Variants in PRKX observed in about 807,000 individuals in gnomAD.
PRKX encodes protein kinase cAMP-dependent X-linked catalytic subunit.
In PRKX, 12 loss-of-function variants were observed where a neutral mutation model predicts 22.0. That is an observed-to-expected ratio of 0.54 (90% CI 0.35 to 0.88). PRKX has a LOEUF of 0.88. PRKX is among the 40% of genes least tolerant of loss of function. The pLI is 0.01. For synonymous variants in PRKX, 134 were observed against 137.7 expected, an observed-to-expected ratio of 0.97 and a Z score of 0.19; for missense variants, 217 against 308.0, an observed-to-expected ratio of 0.70 and a Z score of 2.21.
At chrX:3,619,333 C>A (rs1206275564) in intron 6 of PRKX, among the ~76,000 whole-genome samples, 3 of 110,676 alleles carry the variant, frequency 2.7e-5, no homozygotes, top group Non-Finnish European at 5.7e-5. Flanking sequence ...AAGGATCCCC[C>A]ACTAGAGCCT....
At position 3,713,092 on chromosome X, in the gene PRKX, G is replaced by A. The variant is rs1193599489; in HGVS notation, c.162C>T (p.Thr54=). The A allele has an allele frequency of 8.6e-7, 1 of 1,165,356 alleles. No homozygotes were observed. The highest frequency in any genetic ancestry group is 3.4e-5 in the East Asian group (1 of 29,532). The change falls in exon 1 of 9, where the codon ACC becomes ACT. Residue 54 remains threonine, a synonymous_variant. Transcript: ENST00000262848. Reference sequence around the variant, plus strand: ...TCCCCGCCCGCACTCACTCACCCACGGTGGCCAGCGTGTCAAAGTCCTGCA... The same window carrying A: ...TCCCCGCCCGCACTCACTCACCCACAGTGGCCAGCGTGTCAAAGTCCTGCA... The part of the protein sequence containing the change: ...YSLQDFDTLA[T]VGTGTFGRVH...
intron 5 of PRKX, 60 bp downstream of exon 5, chrX:3,626,359 G>A (rs969440728): frequency 1.8e-5 from 17 of 940,118 alleles, no homozygotes; most frequent in African/African-American, 9.7e-5. Flanking sequence ...GTGCTTTCAC[G>A]GTGATTTTAG....
intron 4 of PRKX, among the ~76,000 whole-genome samples, chrX:3,636,244 C>T (rs763605312): frequency 1.1e-4 from 12 of 111,963 alleles, no homozygotes; most frequent in Admixed American, 3.8e-4. Flanking sequence ...AATGGAGCTG[C>T]GATAGGAAAG....
intron 1 of PRKX, among the ~76,000 whole-genome samples, chrX:3,677,327 CTTTTTT>C (rs532175668): frequency 2.2e-5 from 2 of 90,679 alleles, no homozygotes; most frequent in Non-Finnish European, 2.2e-5. Context: ...ATTGTTTTGT[CTTTTTT>C]TTTTTTTTTT....
At position 3,604,705 on chromosome X, in the gene PRKX, T is replaced by C. The variant is rs1195083779; in HGVS notation, c.*4264A>G. The stretch of plus-strand genomic sequence containing the variant: ...CCAGTGTTCAGCGCAAAGAAAGAAT[T>C]CAGCTACGACAGTTGAGCAGAGCTC... On this transcript the variant is annotated 3_prime_UTR_variant, in exon 9 of 9. Coordinates refer to ENST00000262848, the MANE Select transcript of PRKX (RefSeq NM_005044.5). 2.7e-5 allele frequency: 3 copies of C among 111,908 alleles called. No individual in the cohort carries two copies. The highest frequency in any genetic ancestry group is 5.7e-4 in the East Asian group (2 of 3,531). The allele number at this position is 111,908 out of a possible 1,213,427, so 9.2% of individuals were successfully genotyped here.
At chrX:3,712,248 C>G (rs1928805792) in intron 1 of PRKX, among the ~76,000 whole-genome samples, 1 of 111,302 alleles carries the variant, frequency 9.0e-6, no homozygotes, top group Non-Finnish European at 1.9e-5. Flanking sequence ...CAGCCAACAC[C>G]CCACTTAGCC....
chrX:3,662,834 C>T (rs1222630052), intron 2 of PRKX, among the ~76,000 whole-genome samples: 8 of 107,168 alleles, frequency 7.5e-5, no homozygotes, highest in African/African-American at 1.0e-4. Context: ...TAGCAAGACC[C>T]CCAAAATTTA....
chrX:3,650,520 C>A (rs866079289), intron 3 of PRKX, among the ~76,000 whole-genome samples: 36 of 37,825 alleles, frequency 9.5e-4, no homozygotes, highest in East Asian at 1.2e-3. Context: ...GACTCCTCTC[C>A]AAAAAAAAAA....
intron 1 of PRKX, among the ~76,000 whole-genome samples, chrX:3,704,660 CA>C (rs777407072): frequency 3.9e-5 from 4 of 103,639 alleles, no homozygotes; most frequent in Admixed American, 1.0e-4. Flanking sequence ...AGACCCTGTC[CA>C]AAAAAAAAAG....
At chrX:3,654,736 C>A (rs745775072) in intron 3 of PRKX, among the ~76,000 whole-genome samples, 1 of 109,797 alleles carries the variant, frequency 9.1e-6, no homozygotes, top group East Asian at 2.8e-4. Flanking sequence ...CCCACCTCGG[C>A]GTCCCAAAGT....
chrX:3,699,212 A>AT (rs1408543300), intron 1 of PRKX, among the ~76,000 whole-genome samples: 23 of 106,062 alleles, frequency 2.2e-4, no homozygotes, highest in African/African-American at 7.9e-4. Context: ...AATTTTTTGC[A>AT]TTTTAGGAGA....
intron 1 of PRKX, among the ~76,000 whole-genome samples, chrX:3,683,667 G>A (rs1928117935): frequency 1.8e-5 from 2 of 110,726 alleles, no homozygotes; most frequent in South Asian, 7.7e-4. Context: ...CGAGATCCCA[G>A]CTACAAAAAT....
At chrX:3,662,998 TAAAAAAAAAA>T (rs56411206) in intron 2 of PRKX, among the ~76,000 whole-genome samples, 18 of 78,483 alleles carry the variant, frequency 2.3e-4, no homozygotes, top group Admixed American at 9.9e-4. Flanking sequence ...GCCCTGTCTT[TAAAAAAAAAA>T]AAAAAAAAAA....
chrX:3,618,637 A>G (rs761688607), intron 6 of PRKX, among the ~76,000 whole-genome samples: 71 of 110,313 alleles, frequency 6.4e-4, no homozygotes, highest in African/African-American at 2.2e-3. Context: ...AAAATAAAAT[A>G]AAGTCAGTGT....
chrX:3,611,184 A>G (rs1369994708), intron 8 of PRKX: 1 of 111,741 alleles, frequency 8.9e-6, no homozygotes, highest in Non-Finnish European at 1.9e-5. Flanking sequence ...TGGTACATCC[A>G]TGTAAACACC....
In PRKX at chrX:3,648,869, A is replaced by G. The variant is rs188272767; in HGVS notation, c.599+6280T>C. Among the ~76,000 whole-genome samples, 8 of 110,313 alleles carry G rather than the reference A, an allele frequency of 7.3e-5. No homozygotes were observed. In the East Asian group the frequency reaches 1.7e-3, roughly 23 times the overall value. On this transcript the variant is annotated intron_variant, in intron 3 of 8. Coordinates refer to ENST00000262848, the MANE Select transcript of PRKX (RefSeq NM_005044.5). Reference sequence around the variant, plus strand: ...CGAGGTGGAAGGATTGCTTGAGGCCAGGAGTTCAAGACTATCCTGGCCAAC... The same window carrying G: ...CGAGGTGGAAGGATTGCTTGAGGCCGGGAGTTCAAGACTATCCTGGCCAAC...
chrX:3,684,318 C>T (rs753509438), intron 1 of PRKX, among the ~76,000 whole-genome samples: 2 of 112,018 alleles, frequency 1.8e-5, no homozygotes, highest in Admixed American at 9.5e-5. Flanking sequence ...GGAGTGGTCA[C>T]AGGGAGAGAT....
intron 3 of PRKX, among the ~76,000 whole-genome samples, chrX:3,647,791 C>A (rs57993720): frequency 9.2e-6 from 1 of 108,435 alleles, no homozygotes; most frequent in Non-Finnish European, 1.9e-5. Flanking sequence ...CACTGACCTT[C>A]GTGTTCAACC....
At chrX:3,706,567 C>T (rs111654289) in intron 1 of PRKX, among the ~76,000 whole-genome samples, 2,056 of 109,720 alleles carry the variant, frequency 0.019, 51 homozygotes, top group African/African-American at 0.063. Context: ...CCCACTGCAA[C>T]CTCAACCTCC....
Sources: gnomAD v4.1 joint callset for allele counts (sites outside exome capture counted in the v4.1 genomes callset) on GRCh38, gnomAD v4.1.1 for gene constraint, MANE v1.5 for transcripts, NCBI Gene and HGNC (gene_info 2026-07-23, HGNC 2026-07-21) for gene names.